The following NXPE2 variants were observed in gnomAD, a reference collection of about 807,000 sequenced individuals.
NXPE2 encodes neurexophilin and PC-esterase domain family member 2, also known as NXPE family member 2.
Under a neutral mutation model 34.4 loss-of-function variants are expected in NXPE2, and 34 were observed. That is an observed-to-expected ratio of 0.99 (90% CI 0.75 to 1.31). The LOEUF (loss-of-function observed/expected upper bound fraction) is 1.31, where lower values mean the gene tolerates loss of function less well. Among genes scored for constraint, NXPE2 ranks in the 40% most tolerant of loss-of-function variants. The pLI is 0.00. For missense variants in NXPE2, 649 were observed against 672.5 expected, an observed-to-expected ratio of 0.97 and a Z score of 0.39; for synonymous variants, 235 against 231.3, an observed-to-expected ratio of 1.02 and a Z score of -0.15.
the NXPE2 span, among the ~76,000 whole-genome samples, chr11:114,735,876 T>C: frequency 6.6e-6 from 1 of 152,222 alleles, no homozygotes; most frequent in Non-Finnish European, 1.5e-5. Flanking sequence ...TCACCCCCGA[T>C]ATTTCACATA....
the NXPE2 span, among the ~76,000 whole-genome samples, chr11:114,772,023 A>T: frequency 2.6e-5 from 4 of 152,152 alleles, no homozygotes; most frequent in Non-Finnish European, 5.9e-5. Context: ...AACACAGAAG[A>T]CTGTCCTTTA....
the NXPE2 span, among the ~76,000 whole-genome samples, chr11:114,757,204 A>C: frequency 5.9e-4 from 90 of 152,212 alleles, no homozygotes; most frequent in African/African-American, 1.6e-3. Context: ...GGAAGCACTC[A>C]GTAGAATTTA....
At chr11:114,800,618 A>G in the NXPE2 span, among the ~76,000 whole-genome samples, 1 of 152,234 alleles carries the variant, frequency 6.6e-6, no homozygotes, top group African/African-American at 2.4e-5. Context: ...ATATTCTAGC[A>G]TTATATTTAC....
At chr11:114,594,956 A>G in the NXPE2 span, among the ~76,000 whole-genome samples, 2 of 152,108 alleles carry the variant, frequency 1.3e-5, no homozygotes, top group Non-Finnish European at 2.9e-5. Context: ...TCTTTTAGCT[A>G]TCTGCTTGTA....
chr11:114,776,594 C>T, the NXPE2 span, among the ~76,000 whole-genome samples: 2 of 152,200 alleles, frequency 1.3e-5, no homozygotes, highest in Non-Finnish European at 2.9e-5. Context: ...GAGAAGCCTT[C>T]GTGCTGGGAG....
chr11:114,787,385 C>T, the NXPE2 span, among the ~76,000 whole-genome samples: 13 of 152,046 alleles, frequency 8.6e-5, no homozygotes, highest in South Asian at 6.2e-4. Context: ...GGGGTGGGAA[C>T]GGGGGAGCAT....
At chr11:114,734,362 C>T in the NXPE2 span, among the ~76,000 whole-genome samples, 2 of 151,996 alleles carry the variant, frequency 1.3e-5, no homozygotes, top group East Asian at 3.9e-4. Context: ...TTTACAAATA[C>T]ATTTTTTGTG....
rs1371158889 is a variant in NXPE2, at chr11:114,679,764, T to TGTTTCATTTTTA, written c.132+2_132+3insGTTTCATTTTTA. 1 of 1,527,666 alleles carries TGTTTCATTTTTA rather than the reference T, an allele frequency of 6.5e-7. No individual in the cohort carries two copies. The highest frequency in any genetic ancestry group is 8.9e-7 in the Non-Finnish European group (1 of 1,126,832). The allele number at this position is 1,527,666 out of a possible 1,614,324, so 94.6% of individuals were successfully genotyped here. On this transcript the variant is annotated splice_region_variant and intron_variant, in intron 2 of 5. Coordinates refer to ENST00000389586, the MANE Select transcript of NXPE2 (RefSeq NM_182495.6). ...TTGGCTTCAAAAGACCACACAAAGGTAGGAAGTTTCATTTTTAAGAATTTC... is the reference window on the plus strand; with the variant it reads ...TTGGCTTCAAAAGACCACACAAAGGTGTTTCATTTTTAAGGAAGTTTCATTTTTAAGAATTTC...
chr11:114,585,749 G>C, the NXPE2 span, among the ~76,000 whole-genome samples: 1 of 152,094 alleles, frequency 6.6e-6, no homozygotes, highest in Non-Finnish European at 1.5e-5. Flanking sequence ...ACAAAAAGGA[G>C]CCCCCAAATC....
chr11:114,711,871 A>C (rs201271429), downstream of NXPE2, among the ~76,000 whole-genome samples: 136 of 152,296 alleles, frequency 8.9e-4, 1 homozygote, highest in African/African-American at 3.1e-3. Context: ...AACAATAATT[A>C]AGATGGTGTG....
chr11:114,677,630 T>C (rs1950873224), upstream of NXPE2, among the ~76,000 whole-genome samples: 1 of 152,114 alleles, frequency 6.6e-6, no homozygotes, highest in African/African-American at 2.4e-5. Context: ...ATATCCATGC[T>C]GTTATATAGA....
the NXPE2 span, among the ~76,000 whole-genome samples, chr11:114,613,162 G>A: frequency 2.4e-4 from 35 of 145,818 alleles, no homozygotes; most frequent in South Asian, 6.5e-4. Flanking sequence ...ACTGTTACCC[G>A]ATGGATAATT....
At chr11:114,545,018 A>G in the NXPE2 span, among the ~76,000 whole-genome samples, 44 of 152,320 alleles carry the variant, frequency 2.9e-4, no homozygotes, top group East Asian at 7.7e-3. Context: ...AAATACTAAT[A>G]CATATCAATT....
chr11:114,653,533 C>CTTTTTTTTT, the NXPE2 span, among the ~76,000 whole-genome samples: 1 of 103,514 alleles, frequency 9.7e-6, no homozygotes, highest in African/African-American at 3.5e-5. Context: ...CCTGCTTTCC[C>CTTTTTTTTT]TTTTTTTTTT....
chr11:114,546,847 C>A, the NXPE2 span, among the ~76,000 whole-genome samples: 4 of 152,106 alleles, frequency 2.6e-5, no homozygotes, highest in South Asian at 8.3e-4. Context: ...AACACAGGAA[C>A]CAATGGAAAG....
chr11:114,680,741 A>G (rs1950936723), intron 2 of NXPE2, among the ~76,000 whole-genome samples: 1 of 152,182 alleles, frequency 6.6e-6, no homozygotes. Flanking sequence ...AAGATTACAA[A>G]GTATTAACAA....
At chr11:114,697,079 A>G (rs897467048) in intron 2 of NXPE2, among the ~76,000 whole-genome samples, 4 of 152,214 alleles carry the variant, frequency 2.6e-5, no homozygotes, top group African/African-American at 9.6e-5. Context: ...ATCTTATTGT[A>G]CTATACTCAC....
chr11:114,483,727 A>T, the NXPE2 span, among the ~76,000 whole-genome samples: 1 of 152,136 alleles, frequency 6.6e-6, no homozygotes, highest in African/African-American at 2.4e-5. Flanking sequence ...TGACTCCCAC[A>T]TTTCTTTTGT....
the NXPE2 span, among the ~76,000 whole-genome samples, chr11:114,599,404 G>T: frequency 6.6e-6 from 1 of 152,110 alleles, no homozygotes; most frequent in African/African-American, 2.4e-5. Flanking sequence ...GTCTTCTTCT[G>T]GGCCCTCCAC....
Sources: gnomAD v4.1 joint callset for allele counts (sites outside exome capture counted in the v4.1 genomes callset) on GRCh38, gnomAD v4.1.1 for gene constraint, MANE v1.5 for transcripts, NCBI Gene and HGNC (gene_info 2026-07-23, HGNC 2026-07-21) for gene names.